The following MAGI3 variants were observed in gnomAD, a reference collection of about 807,000 sequenced individuals.
MAGI3 encodes the protein membrane associated guanylate kinase, WW and PDZ domain containing 3, also known as membrane-associated guanylate kinase, WW and PDZ domain-containing protein 3.
In MAGI3, 43 loss-of-function variants were observed where a neutral mutation model predicts 121.8. That is an observed-to-expected ratio of 0.35 (90% confidence interval 0.28 to 0.46). The LOEUF (loss-of-function observed/expected upper bound fraction) is 0.46. Ranked by LOEUF, MAGI3 falls within the 20% of genes least tolerant of loss-of-function variation. The pLI is 1.00. For missense variants in MAGI3, 1,547 were observed against 1,797.3 expected (o/e 0.86, Z 2.52); for synonymous variants, 553 against 639.3 (o/e 0.86, Z 2.04).
intron 1 of MAGI3, among the ~76,000 whole-genome samples, chr1:113,426,380 G>T (rs1164212441): frequency 6.6e-6 from 1 of 152,072 alleles, no homozygotes; most frequent in African/African-American, 2.4e-5. Context: ...GCTGTTGTTG[G>T]GTGGGGTGTT....
At chr1:113,467,693 T>G (rs990893576) in intron 1 of MAGI3, among the ~76,000 whole-genome samples, 3 of 151,974 alleles carry the variant, frequency 2.0e-5, no homozygotes, top group Non-Finnish European at 1.5e-5. Context: ...CCACCACATA[T>G]GGCTAATTTT....
chr1:113,565,475 T>G (rs1359198782), intron 2 of MAGI3, among the ~76,000 whole-genome samples: 1 of 152,232 alleles, frequency 6.6e-6, no homozygotes, highest in Non-Finnish European at 1.5e-5. Context: ...CACAACAGCA[T>G]TCACTTTCTC....
chr1:113,509,275 T>A (rs1177290663), intron 1 of MAGI3, among the ~76,000 whole-genome samples: 2 of 152,146 alleles, frequency 1.3e-5, no homozygotes, highest in Admixed American at 1.3e-4. Flanking sequence ...TTTTACCTTC[T>A]TTTTATGAAT....
chr1:113,550,185 C>T (rs371376979), intron 2 of MAGI3, among the ~76,000 whole-genome samples: 58 of 149,266 alleles, frequency 3.9e-4, no homozygotes, highest in East Asian at 2.4e-3. Flanking sequence ...CCGAGGCGGA[C>T]GGATCACTAG....
At chr1:113,482,645 CTTTTTT>C (rs59465922) in intron 1 of MAGI3, among the ~76,000 whole-genome samples, 2 of 122,214 alleles carry the variant, frequency 1.6e-5, no homozygotes, top group Admixed American at 8.2e-5. Context: ...CCTCAACCTA[CTTTTTT>C]TTTTTTTTTT....
chr1:113,570,528 T>C (rs954389154), intron 2 of MAGI3, among the ~76,000 whole-genome samples: 5 of 152,234 alleles, frequency 3.3e-5, no homozygotes, highest in Non-Finnish European at 7.3e-5. Context: ...AACGTTCCTA[T>C]TTCTCCACAT....
At position 113,659,153 on chromosome 1, in the gene MAGI3, T is replaced by G. The variant is rs1354963100; in HGVS notation, c.2703T>G (p.Asp901Glu). The change falls in exon 16 of 21, where the codon GAT becomes GAG. Residue 901 changes from aspartate (D) to glutamate (E), a missense_variant. Physicochemically the swap from Asp to Glu is conservative, Grantham distance 45 (BLOSUM62 2). Coordinates refer to ENST00000307546, the MANE Select transcript of MAGI3 (RefSeq NM_001142782.2). ...GCTGTGGAAAACTGAAAGTTGGAGA[T>G]CATATCTCTGCAGTGAATGGGCAGT... ...ADRCGKLKVG[D>E]HISAVNGQSI... is the part of the protein sequence containing the mutation. The G allele has an allele frequency of 6.2e-7, 1 of 1,614,072 alleles. No homozygotes were observed. Among genetic ancestry groups the G allele is most frequent in the Non-Finnish European group, 8.5e-7 (1 of 1,179,976 alleles).
intron 1 of MAGI3, among the ~76,000 whole-genome samples, chr1:113,437,863 C>CT (rs1557757082): frequency 2.8e-3 from 140 of 50,836 alleles, no homozygotes; most frequent in East Asian, 0.016. Context: ...TCTTCTTCTT[C>CT]CTCTTCTTCT....
chr1:113,510,645 C>G (rs553936157), intron 1 of MAGI3, among the ~76,000 whole-genome samples: 1 of 152,276 alleles, frequency 6.6e-6, no homozygotes, highest in Non-Finnish European at 1.5e-5. Context: ...ATATGACATT[C>G]CTGCTGAAAT....
chr1:113,472,906 G>A (rs895856199), intron 1 of MAGI3, among the ~76,000 whole-genome samples: 4 of 152,096 alleles, frequency 2.6e-5, no homozygotes, highest in East Asian at 1.9e-4. Context: ...TACATCTTTT[G>A]TATTGTATAT....
chr1:113,646,830 T>C (rs1652878715), intron 12 of MAGI3, among the ~76,000 whole-genome samples, 188 bp downstream of exon 12: 1 of 152,206 alleles, frequency 6.6e-6, no homozygotes, highest in Admixed American at 6.5e-5. Flanking sequence ...AAATCATGCT[T>C]TAAGTGCTAG....
intron 11 of MAGI3, 136 bp downstream of exon 11, chr1:113,643,910 A>G (rs1652689992): frequency 1.1e-5 from 10 of 922,836 alleles, no homozygotes; most frequent in Admixed American, 6.7e-5. Flanking sequence ...CTTGGCTTGT[A>G]TTTATTAGAA....
In MAGI3 at chr1:113,633,462, C is replaced by T. The variant is rs1393039921; in HGVS notation, c.1361-8449C>T. 7.3e-5 allele frequency among the ~76,000 whole-genome samples: 11 copies of T among 151,238 alleles called. No individual in the cohort carries two copies. In the South Asian group the frequency reaches 1.5e-3, roughly 20 times the overall value. On this transcript the variant is annotated intron_variant, in intron 9 of 20. Transcript: ENST00000307546. ...ATTTTTAGTAGAGACGGGGTTTCAC[C>T]GTTTTAGCCGGGATGGTCTCGATCT...
At chr1:113,574,305 T>C (rs1647488336) in intron 2 of MAGI3, among the ~76,000 whole-genome samples, 2 of 152,210 alleles carry the variant, frequency 1.3e-5, no homozygotes, top group African/African-American at 4.8e-5. Flanking sequence ...TCTTTATATT[T>C]TGGTATGTCT....
At position 113,515,169 on chromosome 1, in the gene MAGI3, T is replaced by A. The variant is rs190996255; in HGVS notation, c.317-34346T>A. 2.6e-3 allele frequency among the ~76,000 whole-genome samples: 388 copies of A among 150,130 alleles called. 2 individuals carry two copies. Among genetic ancestry groups the A allele is most frequent in the African/African-American group, 8.9e-3 (366 of 41,138 alleles). On this transcript the variant is annotated intron_variant, in intron 1 of 20. Transcript: ENST00000307546. The stretch of plus-strand genomic sequence containing the variant: ...CTTGAGTAAAAATGGTAAAAAAAAA[T>A]TTTTTTTTTGATCTCACGGCAGCAA...
chr1:113,556,417 T>A (rs1051490629), intron 2 of MAGI3, among the ~76,000 whole-genome samples: 1 of 152,104 alleles, frequency 6.6e-6, no homozygotes, highest in Non-Finnish European at 1.5e-5. Context: ...GGAGGATTGC[T>A]TGAGTCCAGG....
At chr1:113,588,907 A>G (rs747906011) in intron 4 of MAGI3, among the ~76,000 whole-genome samples, 2 of 152,138 alleles carry the variant, frequency 1.3e-5, no homozygotes, top group African/African-American at 4.8e-5. Flanking sequence ...GGTAAAGAGA[A>G]TTATTTTCTT....
chr1:113,597,988 C>T (rs1047284918), intron 6 of MAGI3, among the ~76,000 whole-genome samples: 53 of 152,056 alleles, frequency 3.5e-4, no homozygotes, highest in African/African-American at 1.2e-3. Context: ...CTGTGGTGGG[C>T]GGATAATGAG....
intron 1 of MAGI3, among the ~76,000 whole-genome samples, chr1:113,402,854 T>G (rs1487414895): frequency 6.6e-6 from 1 of 152,124 alleles, no homozygotes; most frequent in Non-Finnish European, 1.5e-5. Context: ...GTATTCCCTG[T>G]GAGGCAAAAC....
Sources: allele counts gnomAD v4.1 joint callset (sites outside exome capture counted in the v4.1 genomes callset), GRCh38; gene constraint gnomAD v4.1.1; transcripts MANE v1.5; gene names NCBI Gene and HGNC (gene_info 2026-07-23, HGNC 2026-07-21).